Variants in FUT9 observed in about 807,000 individuals in gnomAD.
FUT9 encodes fucosyltransferase 9.
A neutral mutation model predicts 29.7 loss-of-function variants in FUT9; 15 were observed. The observed-to-expected ratio is 0.51, with a 90% confidence interval of 0.34 to 0.78. The LOEUF (loss-of-function observed/expected upper bound fraction) is 0.78, where lower values mean the gene tolerates loss of function less well. Among genes scored for constraint, FUT9 ranks in the 30% least tolerant of loss-of-function variants. FUT9 has a pLI of 0.01. For synonymous variants in FUT9, 169 were observed against 153.7 expected (o/e 1.10, Z -0.74); for missense variants, 319 against 425.4 (o/e 0.75, Z 2.20).
chr6:96,041,002 C>T (rs765165009), intron 1 of FUT9, among the ~76,000 whole-genome samples: 7 of 151,966 alleles, frequency 4.6e-5, no homozygotes, highest in African/African-American at 1.2e-4. Flanking sequence ...TGTGACTGCC[C>T]GCCCCCTTTC....
chr6:96,107,118 T>C (rs933805454), intron 1 of FUT9, among the ~76,000 whole-genome samples: 2 of 152,178 alleles, frequency 1.3e-5, no homozygotes, highest in Non-Finnish European at 2.9e-5. Flanking sequence ...TAACCTCTGG[T>C]CTAAATGAAA....
chr6:96,091,886 TA>T (rs962419995), intron 1 of FUT9, among the ~76,000 whole-genome samples: 1 of 152,044 alleles, frequency 6.6e-6, no homozygotes, highest in Non-Finnish European at 1.5e-5. Context: ...AGCGAGAAAA[TA>T]TTTTCAGAAA....
intron 2 of FUT9, among the ~76,000 whole-genome samples, chr6:96,201,985 T>G (rs1773733579): frequency 6.6e-6 from 1 of 151,840 alleles, no homozygotes. Flanking sequence ...TTTCTCCCGT[T>G]TTTTGGAAGG....
chr6:96,187,715 A>ATTAAAATAAATATTTTAAAAT (rs1773429713), intron 2 of FUT9, among the ~76,000 whole-genome samples: 3 of 152,224 alleles, frequency 2.0e-5, no homozygotes, highest in Non-Finnish European at 4.4e-5. Flanking sequence ...GTTTTAAGTG[A>ATTAAAATAAATATTTTAAAAT]TTAAAATAAA....
At position 96,057,916 on chromosome 6, in the gene FUT9, A is replaced by G. The variant is rs149354142; in HGVS notation, c.-98+41704A>G. Among the ~76,000 whole-genome samples the G allele has an allele frequency of 4.4e-4, 67 of 152,094 alleles. No homozygotes were observed. In the East Asian group the frequency reaches 0.012, roughly 26 times the overall value. ...TTTTGTCTCTTAGACTCTCACTAAA[A>G]CTCCGTCATCAAGTTGTAATTCACA... On this transcript the variant is annotated intron_variant, in intron 1 of 2. Coordinates refer to ENST00000302103, the MANE Select transcript of FUT9 (RefSeq NM_006581.4).
chr6:96,066,202 T>C (rs1308222879), intron 1 of FUT9, among the ~76,000 whole-genome samples: 1 of 152,132 alleles, frequency 6.6e-6, no homozygotes, highest in Non-Finnish European at 1.5e-5. Context: ...GGCTCTGTTT[T>C]AGTTTCTTTT....
At chr6:96,122,260 A>C (rs1007958446) in intron 2 of FUT9, among the ~76,000 whole-genome samples, 7 of 152,214 alleles carry the variant, frequency 4.6e-5, no homozygotes, top group African/African-American at 1.7e-4. Flanking sequence ...TCTCTAGTGC[A>C]GAAGTCCAGG....
chr6:96,109,184 CT>C (rs1771751290), intron 1 of FUT9, among the ~76,000 whole-genome samples: 1 of 152,152 alleles, frequency 6.6e-6, no homozygotes, highest in Non-Finnish European at 1.5e-5. Context: ...ATCTGGTCAG[CT>C]GAATTAAGAA....
chr6:96,185,150 A>T (rs370712482), intron 2 of FUT9, among the ~76,000 whole-genome samples: 3 of 149,346 alleles, frequency 2.0e-5, no homozygotes, highest in Admixed American at 6.7e-5. Flanking sequence ...TATTTTTAGA[A>T]TTTTTTTTTT....
intron 2 of FUT9, among the ~76,000 whole-genome samples, chr6:96,132,184 G>GTT (rs34283208): frequency 6.6e-6 from 1 of 151,674 alleles, no homozygotes; most frequent in South Asian, 2.1e-4. Flanking sequence ...GATATTATTT[G>GTT]TTTTTTTAAT....
intron 2 of FUT9, among the ~76,000 whole-genome samples, chr6:96,193,082 C>A (rs1377442982): frequency 6.6e-6 from 1 of 150,460 alleles, no homozygotes; most frequent in African/African-American, 2.4e-5. Context: ...AAATGTTAGA[C>A]CTAAAACCAT....
intron 1 of FUT9, among the ~76,000 whole-genome samples, chr6:96,026,997 A>G (rs1346874328): frequency 6.6e-6 from 1 of 151,654 alleles, no homozygotes; most frequent in Non-Finnish European, 1.5e-5. Flanking sequence ...TTACTTTCAG[A>G]TATTCCAGAC....
At chr6:96,041,591 T>A (rs569514288) in intron 1 of FUT9, among the ~76,000 whole-genome samples, 1 of 152,262 alleles carries the variant, frequency 6.6e-6, no homozygotes, top group African/African-American at 2.4e-5. Context: ...GCCCTTTAAC[T>A]GGCCCTGAAA....
chr6:96,154,486 G>A (rs1167178424), intron 2 of FUT9, among the ~76,000 whole-genome samples: 1 of 152,080 alleles, frequency 6.6e-6, no homozygotes, highest in Non-Finnish European at 1.5e-5. Context: ...TGTAAAGTAA[G>A]ATTGTGTGAG....
intron 2 of FUT9, among the ~76,000 whole-genome samples, chr6:96,124,143 T>C (rs976004635): frequency 7.0e-6 from 1 of 143,440 alleles, no homozygotes; most frequent in African/African-American, 2.6e-5. Context: ...CTTTTCTTTT[T>C]TTCTTTTTTC....
At chr6:96,111,540 AACACACACAC>A (rs66491542) in intron 1 of FUT9, among the ~76,000 whole-genome samples, 4,372 of 145,562 alleles carry the variant, frequency 0.03, 91 homozygotes, top group Admixed American at 0.065. Flanking sequence ...TGATTTGGGA[AACACACACAC>A]ACACACACAC....
At chr6:96,194,860 G>GAA in intron 2 of FUT9, among the ~76,000 whole-genome samples, 1 of 152,106 alleles carries the variant, frequency 6.6e-6, no homozygotes, top group African/African-American at 2.4e-5. Context: ...TCCTGGCCCT[G>GAA]TCTGTGGTAT....
rs574062682 is a variant in FUT9 at position 96,136,270 on chromosome 6, G to A, written c.-9+22143G>A. ...TTTGTCTTGACTTCCTCATACTTGA[G>A]TGAGTAGAATAATTTAACCTTTTAG... On this transcript the variant is annotated intron_variant, in intron 2 of 2. Coordinates refer to ENST00000302103, the MANE Select transcript of FUT9 (RefSeq NM_006581.4). 8.9e-4 allele frequency among the ~76,000 whole-genome samples: 135 copies of A among 151,956 alleles called. 1 individual carries two copies. Among genetic ancestry groups the A allele is most frequent in the Non-Finnish European group, 3.1e-4 (21 of 67,812 alleles).
At chr6:96,073,575 A>G (rs753379087) in intron 1 of FUT9, among the ~76,000 whole-genome samples, 5 of 152,232 alleles carry the variant, frequency 3.3e-5, no homozygotes, top group African/African-American at 1.2e-4. Flanking sequence ...GCAGGTCTAA[A>G]TATCAAGAGT....
Sources: allele counts gnomAD v4.1 joint callset (sites outside exome capture counted in the v4.1 genomes callset), GRCh38; gene constraint gnomAD v4.1.1; transcripts MANE v1.5; gene names NCBI Gene and HGNC (gene_info 2026-07-23, HGNC 2026-07-21).